The following GNAO1 variants were observed in gnomAD, a reference collection of about 807,000 sequenced individuals.
GNAO1 encodes the protein G protein subunit alpha o1, also known as guanine nucleotide-binding protein G(o) subunit alpha.
For missense variants in GNAO1, 166 were observed against 478.7 expected (o/e 0.35, Z 6.10); for synonymous variants, 164 against 180.7 (o/e 0.91, Z 0.74).
At chr16:56,340,421 G>A (rs1415778199) in intron 6 of GNAO1, 7 of 162,450 alleles carry the variant, frequency 4.3e-5, no homozygotes, top group South Asian at 1.9e-4. Context: ...TGTCAAAACC[G>A]AATGAGACCC....
chr16:56,224,616 G>A lies in GNAO1; in HGVS notation c.161+32000G>A, dbSNP rs559955839. Among the ~76,000 whole-genome samples the A allele has an allele frequency of 4.6e-5, 7 of 152,314 alleles. No individual in the cohort carries two copies. In the South Asian group the frequency reaches 1.5e-3, roughly 32 times the overall value. On this transcript the variant is annotated intron_variant, in intron 2 of 8. Transcript: ENST00000262493. Reference sequence around the variant, plus strand: ...CTCTGTCAGCCTCCCAAGTAGCTGTGACTACAGCGTGCATCACCACGTCTG... The same window carrying A: ...CTCTGTCAGCCTCCCAAGTAGCTGTAACTACAGCGTGCATCACCACGTCTG...
intron 3 of GNAO1, among the ~76,000 whole-genome samples, chr16:56,300,040 C>T (rs79889033): frequency 0.23 from 6,931 of 30,220 alleles, 217 homozygotes; most frequent in East Asian, 0.37. Flanking sequence ...TGTGTGTGCG[C>T]GCGCGCGCGC....
At chr16:56,313,632 C>G (rs1485766168) in intron 3 of GNAO1, among the ~76,000 whole-genome samples, 2 of 152,140 alleles carry the variant, frequency 1.3e-5, no homozygotes, top group Non-Finnish European at 2.9e-5. Context: ...CTAGCCTTTT[C>G]AGATAATTAT....
Position 56,228,206 on chromosome 16 carries a change from A to G in GNAO1, c.161+35590A>G, listed in dbSNP as rs149289080. Among the ~76,000 whole-genome samples, 191 of 152,298 alleles carry G rather than the reference A, an allele frequency of 1.3e-3. No homozygotes were observed. In the East Asian group the frequency reaches 0.023, roughly 18 times the overall value. ...CTGCACAGTTATGTGTTCCAAGTGC[A>G]ACCAGAAGAAGGCTTCCCCAGGCTT... On this transcript the variant is annotated intron_variant, in intron 2 of 8. Coordinates refer to ENST00000262493, the MANE Select transcript of GNAO1 (RefSeq NM_020988.3).
chr16:56,289,810 A>G (rs953400709), intron 3 of GNAO1, among the ~76,000 whole-genome samples: 8 of 152,142 alleles, frequency 5.3e-5, no homozygotes, highest in Admixed American at 2.6e-4. Flanking sequence ...CAAGTGTCCC[A>G]TGGTACCATT....
chr16:56,233,050 T>C (rs890607239), intron 2 of GNAO1, among the ~76,000 whole-genome samples: 2 of 152,242 alleles, frequency 1.3e-5, no homozygotes, highest in Non-Finnish European at 2.9e-5. Flanking sequence ...ATCATTGCAC[T>C]GAATGGATTT....
At chr16:56,341,336 G>A (rs1470820375) in intron 6 of GNAO1, among the ~76,000 whole-genome samples, 1 of 152,222 alleles carries the variant, frequency 6.6e-6, no homozygotes, top group African/African-American at 2.4e-5. Flanking sequence ...GAGTTAGGCA[G>A]CCCAAGGTTT....
At chr16:56,193,568 T>G in intron 2 of GNAO1, 1 of 158,254 alleles carries the variant, frequency 6.3e-6, no homozygotes. Context: ...TAACTGGGGG[T>G]GGATTTGAGT....
At chr16:56,299,509 C>T (rs1004461130) in intron 3 of GNAO1, among the ~76,000 whole-genome samples, 5 of 152,330 alleles carry the variant, frequency 3.3e-5, no homozygotes, top group African/African-American at 7.2e-5. Context: ...CCACCCAGCC[C>T]GAGGCAGCCC....
intron 2 of GNAO1, among the ~76,000 whole-genome samples, chr16:56,247,794 AAGAT>A (rs1241089744): frequency 3.3e-5 from 5 of 152,370 alleles, no homozygotes; most frequent in African/African-American, 1.2e-4. Flanking sequence ...CATCCTGCCT[AAGAT>A]AGAGGATTGG....
intron 2 of GNAO1, among the ~76,000 whole-genome samples, chr16:56,253,277 G>T (rs2036816552): frequency 6.6e-6 from 1 of 152,156 alleles, no homozygotes. Flanking sequence ...GACTCCTCCT[G>T]CCACTTTGTC....
chr16:56,238,110 C>T (rs116835201), intron 2 of GNAO1, among the ~76,000 whole-genome samples: 5 of 151,006 alleles, frequency 3.3e-5, no homozygotes, highest in South Asian at 2.2e-4. Flanking sequence ...GATCCCCCCC[C>T]GCCCGCCCCA....
At chr16:56,341,685 G>A (rs1435823897) in intron 6 of GNAO1, among the ~76,000 whole-genome samples, 8 of 152,220 alleles carry the variant, frequency 5.3e-5, no homozygotes, top group African/African-American at 1.9e-4. Flanking sequence ...TGCTGTGGTG[G>A]GTTTACCTGA....
At chr16:56,295,402 G>A (rs2037276839) in intron 3 of GNAO1, among the ~76,000 whole-genome samples, 1 of 152,118 alleles carries the variant, frequency 6.6e-6, no homozygotes, top group African/African-American at 2.4e-5. Context: ...CTGCTGGGAA[G>A]ATTAAATGAG....
chr16:56,230,471 G>C (rs141850877), intron 2 of GNAO1, among the ~76,000 whole-genome samples: 134 of 152,304 alleles, frequency 8.8e-4, no homozygotes, highest in African/African-American at 2.6e-3. Context: ...AGATTTTATA[G>C]CTCTGCCCTT....
intron 6 of GNAO1, chr16:56,340,628 G>A (rs1324067650): frequency 8.6e-6 from 5 of 578,974 alleles, no homozygotes; most frequent in Middle Eastern, 4.5e-4. Context: ...GCTCCGCCCC[G>A]CCCTGCCTGC....
rs781482854 is a variant in GNAO1 at position 56,343,835 on chromosome 16, A to G, written c.723+6975A>G. On this transcript the variant is annotated intron_variant, in intron 6 of 8. Coordinates refer to ENST00000262493, the MANE Select transcript of GNAO1 (RefSeq NM_020988.3). Reference sequence around the variant, plus strand: ...GAGAGCAAGAACAAGTCAGCCCACAAAGAGATCTACACCCACGTCACCTGC... The same window carrying G: ...GAGAGCAAGAACAAGTCAGCCCACAGAGAGATCTACACCCACGTCACCTGC... The G allele has an allele frequency of 5.3e-6, 8 of 1,511,364 alleles. No individual in the cohort carries two copies. The highest frequency in any genetic ancestry group is 2.3e-5 in the South Asian group (2 of 87,570). The allele number at this position is 1,511,364 out of a possible 1,614,324, so 93.6% of individuals were successfully genotyped here.
At chr16:56,260,840 G>A (rs967509764) in intron 2 of GNAO1, among the ~76,000 whole-genome samples, 27 of 152,262 alleles carry the variant, frequency 1.8e-4, no homozygotes, top group African/African-American at 5.1e-4. Context: ...TCCTTTCTGG[G>A]CCACGTCTAC....
At chr16:56,310,394 T>G (rs1288626586) in intron 3 of GNAO1, among the ~76,000 whole-genome samples, 2 of 152,242 alleles carry the variant, frequency 1.3e-5, no homozygotes, top group Non-Finnish European at 2.9e-5. Flanking sequence ...AATGATCATT[T>G]ATTGAGCACC....
Sources: gnomAD v4.1 joint callset for allele counts (sites outside exome capture counted in the v4.1 genomes callset) on GRCh38, gnomAD v4.1.1 for gene constraint, MANE v1.5 for transcripts, NCBI Gene and HGNC (gene_info 2026-07-23, HGNC 2026-07-21) for gene names.